The following GAS7 variants were observed in gnomAD, a reference collection of about 807,000 sequenced individuals.
GAS7 encodes growth arrest-specific protein 7.
A neutral mutation model predicts 71.1 loss-of-function variants in GAS7; 28 were observed. The ratio of observed to expected loss-of-function variants is 0.39; its 90% confidence interval spans 0.29 to 0.54. The LOEUF is 0.54. Ranked by LOEUF, GAS7 falls within the 20% of genes least tolerant of loss-of-function variation. The pLI is 0.62. For synonymous variants in GAS7, 258 were observed against 245.8 expected, an observed-to-expected ratio of 1.05 and a Z score of -0.46; for missense variants, 436 against 627.8, an observed-to-expected ratio of 0.69 and a Z score of 3.27.
At chr17:10,175,987 A>T (rs2074371756) in intron 1 of GAS7, among the ~76,000 whole-genome samples, 1 of 151,940 alleles carries the variant, frequency 6.6e-6, no homozygotes, top group East Asian at 1.9e-4. Context: ...CCCCGTTATC[A>T]CTCGGTCTGG....
intron 1 of GAS7, among the ~76,000 whole-genome samples, chr17:10,172,751 G>A (rs555354859): frequency 7.2e-5 from 11 of 152,206 alleles, no homozygotes; most frequent in South Asian, 6.2e-4. Flanking sequence ...TTAATGAAGC[G>A]CTTTGTAGCC....
intron 1 of GAS7, among the ~76,000 whole-genome samples, chr17:10,082,674 G>A (rs117342575): frequency 5.8e-4 from 89 of 152,288 alleles, no homozygotes; most frequent in Admixed American, 2.0e-3. Context: ...AAATGTGTCC[G>A]AAAAACCTAT....
rs1256626908 is a variant in GAS7, at chr17:9,974,974, T to C, written c.386-5212A>G. ...CAAAAGAACATAAGAAAATCAGCCA[T>C]GAACACTCTCTTATTATACCTCCTG... On this transcript the variant is annotated intron_variant, in intron 3 of 13. Coordinates refer to ENST00000432992, the MANE Select transcript of GAS7 (RefSeq NM_201433.2). This position sits in a 1 kb window ranked among gnomAD's most constrained non-coding sequence, Gnocchi z 4.0. 1.3e-5 allele frequency among the ~76,000 whole-genome samples: 2 copies of C among 152,184 alleles called. No individual in the cohort carries two copies. Among genetic ancestry groups the C allele is most frequent in the Non-Finnish European group, 2.9e-5 (2 of 68,024 alleles).
intron 2 of GAS7, among the ~76,000 whole-genome samples, chr17:9,991,263 G>A (rs1285388343): frequency 1.3e-5 from 2 of 152,186 alleles, no homozygotes; most frequent in Non-Finnish European, 2.9e-5. Context: ...GTGAAGGGGG[G>A]CTAGAATGCC....
chr17:10,133,676 A>G (rs1026246081), intron 1 of GAS7, among the ~76,000 whole-genome samples: 1 of 152,110 alleles, frequency 6.6e-6, no homozygotes, highest in African/African-American at 2.4e-5. Context: ...TTTGACCAGC[A>G]TATTCCCCAC....
chr17:10,165,221 G>A (rs1242905824), intron 1 of GAS7, among the ~76,000 whole-genome samples: 1 of 150,518 alleles, frequency 6.6e-6, no homozygotes, highest in African/African-American at 2.4e-5. Flanking sequence ...GAACCCGGGA[G>A]GCAGAGCTTG....
At chr17:10,184,078 C>G (rs1446745985) in intron 1 of GAS7, among the ~76,000 whole-genome samples, 3 of 152,192 alleles carry the variant, frequency 2.0e-5, no homozygotes, top group Admixed American at 2.0e-4. Flanking sequence ...CAGTTATCCC[C>G]TTGGAACTGA....
At chr17:10,054,662 G>A (rs58808236) in intron 1 of GAS7, among the ~76,000 whole-genome samples, 5,656 of 152,214 alleles carry the variant, frequency 0.037, 374 homozygotes, top group African/African-American at 0.13. Flanking sequence ...TGGTTCTAAC[G>A]AATTGAATAC....
At chr17:9,948,440 T>A (rs2068875082) in intron 5 of GAS7, among the ~76,000 whole-genome samples, 1 of 152,198 alleles carries the variant, frequency 6.6e-6, no homozygotes, top group South Asian at 2.1e-4. Flanking sequence ...ATCCCAGCAC[T>A]TTGGGAGGCC....
At chr17:10,069,594 C>T (rs2073319266) in intron 1 of GAS7, among the ~76,000 whole-genome samples, 1 of 152,200 alleles carries the variant, frequency 6.6e-6, no homozygotes, top group Non-Finnish European at 1.5e-5. Context: ...GCGACTTGCC[C>T]AAGGTCACAG....
rs959014151 is a variant in GAS7, at chr17:9,916,918, C to A, written c.*310G>T. 2.0e-6 allele frequency: 1 copy of A among 501,790 alleles called. No individual in the cohort carries two copies. The allele number at this position is 501,790 out of a possible 1,614,324, so 31.1% of individuals were successfully genotyped here. ...CCAGGGCACAAGCATGTGACAGTGA[C>A]CCCTACAAAACTCGGCAAGGACCAC... is the stretch of plus-strand genomic sequence containing the variant. On this transcript the variant is annotated 3_prime_UTR_variant, in exon 14 of 14. Coordinates refer to ENST00000432992, the MANE Select transcript of GAS7 (RefSeq NM_201433.2).
chr17:9,944,684 T>C (rs1341677038), intron 6 of GAS7, among the ~76,000 whole-genome samples: 6 of 152,226 alleles, frequency 3.9e-5, no homozygotes, highest in Admixed American at 2.6e-4. Flanking sequence ...ACATCCCTGA[T>C]GACAGGGAGA....
At chr17:10,099,565 C>CT (rs984774936) in intron 1 of GAS7, among the ~76,000 whole-genome samples, 3 of 152,040 alleles carry the variant, frequency 2.0e-5, no homozygotes, top group African/African-American at 7.2e-5. Context: ...CTCCAATGTA[C>CT]TTTTTTTTGG....
At chr17:10,142,799 C>T (rs1160209091) in intron 1 of GAS7, among the ~76,000 whole-genome samples, 1 of 152,172 alleles carries the variant, frequency 6.6e-6, no homozygotes, top group Non-Finnish European at 1.5e-5. Flanking sequence ...TCCACCCAAA[C>T]AGTTCTATAT....
chr17:9,980,975 A>G (rs1188207673), intron 3 of GAS7, among the ~76,000 whole-genome samples: 1 of 152,142 alleles, frequency 6.6e-6, no homozygotes, highest in Non-Finnish European at 1.5e-5. Context: ...AGGCCCCTGA[A>G]CAAACCTCCC....
intron 11 of GAS7, chr17:9,924,597 A>G (rs1048241304): frequency 7.1e-6 from 1 of 140,600 alleles, no homozygotes; most frequent in Non-Finnish European, 1.5e-5. Context: ...ATTATTGTGC[A>G]TTATAAGATT....
At chr17:9,950,686 T>C (rs1362118962) in intron 5 of GAS7, among the ~76,000 whole-genome samples, 1 of 151,820 alleles carries the variant, frequency 6.6e-6, no homozygotes, top group Non-Finnish European at 1.5e-5. Flanking sequence ...TGAAACCCTG[T>C]CTCTACTGAA....
chr17:9,935,621 C>T (rs1405853655), intron 8 of GAS7, among the ~76,000 whole-genome samples: 1 of 152,258 alleles, frequency 6.6e-6, no homozygotes, highest in Non-Finnish European at 1.5e-5. Context: ...AATTGCCCAA[C>T]AGTGCACAGC....
chr17:10,142,091 G>A (rs1044533430), intron 1 of GAS7, among the ~76,000 whole-genome samples: 6 of 152,012 alleles, frequency 3.9e-5, no homozygotes, highest in Admixed American at 6.6e-5. Context: ...AGCCGGGCGT[G>A]GTGGCAGGTG....
Sources: gnomAD v4.1 joint callset for allele counts (sites outside exome capture counted in the v4.1 genomes callset) on GRCh38, gnomAD v4.1.1 for gene constraint, Gnocchi (gnomAD v3.1) non-coding constraint, MANE v1.5 for transcripts, NCBI Gene and HGNC (gene_info 2026-07-23, HGNC 2026-07-21) for gene names.